The following PARD3 variants were observed in gnomAD, a reference collection of about 807,000 sequenced individuals.
PARD3 encodes partitioning defective 3 homolog.
Under a neutral mutation model 155.4 loss-of-function variants are expected in PARD3, and 75 were observed. The ratio of observed to expected loss-of-function variants is 0.48; its 90% CI spans 0.40 to 0.58. PARD3 has a LOEUF of 0.58. Ranked by LOEUF, PARD3 falls within the 20% of genes least tolerant of loss-of-function variation. The probability of loss-of-function intolerance (pLI) is 0.00; values close to 1 mark genes in which losing one functional copy is unlikely to be tolerated. For missense variants in PARD3, 1,642 were observed against 1,721.7 expected, an observed-to-expected ratio of 0.95 and a Z score of 0.82; for synonymous variants, 576 against 610.5, an observed-to-expected ratio of 0.94 and a Z score of 0.83.
chr10:34,555,974 G>A (rs566378906), intron 2 of PARD3, among the ~76,000 whole-genome samples: 21 of 152,336 alleles, frequency 1.4e-4, no homozygotes, highest in African/African-American at 5.1e-4. Flanking sequence ...AGGTAGGACA[G>A]AGAGAGAGAT....
intron 2 of PARD3, among the ~76,000 whole-genome samples, chr10:34,643,306 C>G (rs1316266068): frequency 6.6e-6 from 1 of 152,230 alleles, no homozygotes; most frequent in African/African-American, 2.4e-5. Flanking sequence ...CTCATTGCCT[C>G]AAGTTTACAG....
intron 20 of PARD3, among the ~76,000 whole-genome samples, chr10:34,305,739 G>A (rs915011619): frequency 9.9e-5 from 15 of 152,186 alleles, no homozygotes; most frequent in Admixed American, 8.5e-4. Context: ...AGTAGACTGG[G>A]AGGCCAGGCA....
chr10:34,780,259 G>A (rs576282005), intron 1 of PARD3, among the ~76,000 whole-genome samples: 3 of 152,314 alleles, frequency 2.0e-5, no homozygotes, highest in African/African-American at 4.8e-5. Flanking sequence ...TGACCTGAAT[G>A]CTCCTTACCA....
rs1325031613 is a variant in PARD3 at position 34,109,744 on chromosome 10, A to G, written c.*1425T>C. On this transcript the variant is annotated 3_prime_UTR_variant, in exon 25 of 25. Transcript: ENST00000374788. ...CAGAACCATGACACAGAAATGCAGA[A>G]GAGACACGGGTACGTGTGTGGACAC... 1 of 152,200 alleles carries G rather than the reference A, an allele frequency of 6.6e-6. No individual in the cohort carries two copies. Among genetic ancestry groups the G allele is most frequent in the Non-Finnish European group, 1.5e-5 (1 of 68,042 alleles). The allele number at this position is 152,200 out of a possible 1,614,324, so 9.4% of individuals were successfully genotyped here.
At chr10:34,262,043 G>GT (rs1046794091) in intron 22 of PARD3, among the ~76,000 whole-genome samples, 3 of 152,074 alleles carry the variant, frequency 2.0e-5, no homozygotes, top group Non-Finnish European at 4.4e-5. Context: ...GTTCCAAACT[G>GT]TTTTTTTATT....
chr10:34,445,936 C>T (rs1014116434), intron 5 of PARD3, among the ~76,000 whole-genome samples: 6 of 152,072 alleles, frequency 3.9e-5, no homozygotes, highest in Admixed American at 1.3e-4. Context: ...GAGCTCCCAC[C>T]GCAGCCCCAG....
chr10:34,223,510 A>T (rs1952425774), intron 22 of PARD3, among the ~76,000 whole-genome samples: 1 of 152,148 alleles, frequency 6.6e-6, no homozygotes, highest in Admixed American at 6.5e-5. Flanking sequence ...ATCTCAGGAG[A>T]CTGCTTAGCT....
intron 23 of PARD3, among the ~76,000 whole-genome samples, chr10:34,120,399 CT>C: frequency 6.6e-6 from 1 of 151,904 alleles, no homozygotes; most frequent in East Asian, 1.9e-4. Flanking sequence ...GAATGAGGCT[CT>C]TCCAAAAACT....
chr10:34,468,654 GAGACTA>G (rs1410164940), intron 4 of PARD3, among the ~76,000 whole-genome samples: 1 of 151,898 alleles, frequency 6.6e-6, no homozygotes, highest in Non-Finnish European at 1.5e-5. Flanking sequence ...AGTATTTCAG[GAGACTA>G]AGCCTAACAG....
chr10:34,664,328 A>G (rs1324639097), intron 2 of PARD3, among the ~76,000 whole-genome samples: 2 of 151,508 alleles, frequency 1.3e-5, no homozygotes, highest in East Asian at 3.9e-4. Context: ...TCAGCCTACC[A>G]AGTAGCTGGG....
At position 34,563,515 on chromosome 10, in the gene PARD3, C is replaced by T. The variant is rs970150832; in HGVS notation, c.223-46356G>A. ...CCAAGTAGCTGTGAATATAGGTGCA[C>T]GCCACCACGCCTGCTAATTTTTTTT... On this transcript the variant is annotated intron_variant, in intron 2 of 24. Coordinates refer to ENST00000374788, the MANE Select transcript of PARD3 (RefSeq NM_001184785.2). 4.8e-5 allele frequency among the ~76,000 whole-genome samples: 7 copies of T among 145,770 alleles called. No homozygotes were observed. The East Asian group carries it at 1.4e-3, about 30-fold the overall frequency.
At chr10:34,639,666 C>G (rs1156427033) in intron 2 of PARD3, among the ~76,000 whole-genome samples, 7 of 152,208 alleles carry the variant, frequency 4.6e-5, no homozygotes, top group Non-Finnish European at 1.0e-4. Flanking sequence ...AAGACCAGCC[C>G]GGGCAACAGA....
intron 22 of PARD3, among the ~76,000 whole-genome samples, chr10:34,135,658 G>A (rs1421374688): frequency 6.6e-6 from 1 of 152,172 alleles, no homozygotes; most frequent in East Asian, 1.9e-4. Flanking sequence ...AGCCTGCCCC[G>A]CACCTGTGCC....
intron 1 of PARD3, among the ~76,000 whole-genome samples, chr10:34,752,076 T>C (rs1020383211): frequency 5.3e-5 from 8 of 152,136 alleles, no homozygotes; most frequent in African/African-American, 1.9e-4. Flanking sequence ...CTAATGCTTT[T>C]CTCAGTACAT....
intron 22 of PARD3, among the ~76,000 whole-genome samples, chr10:34,204,306 G>A (rs1951360131): frequency 6.6e-6 from 1 of 152,176 alleles, no homozygotes; most frequent in African/African-American, 2.4e-5. Context: ...CTTACATAAA[G>A]GAAAGAGAGT....
chr10:34,321,904 T>A (rs913094637), intron 19 of PARD3, among the ~76,000 whole-genome samples: 2 of 152,136 alleles, frequency 1.3e-5, no homozygotes, highest in Non-Finnish European at 2.9e-5. Flanking sequence ...TATCTAAACT[T>A]TACAAACATT....
chr10:34,422,632 T>C lies in PARD3; in HGVS notation c.715-20715A>G, dbSNP rs548459683. Among the ~76,000 whole-genome samples, 5 of 151,530 alleles carry C rather than the reference T, an allele frequency of 3.3e-5. No homozygotes were observed. In the South Asian group the frequency reaches 8.3e-4, roughly 25 times the overall value. ...TTTAAAAATGGGCAAATAATCTGAATAGACATTTCTCAAAAGAAGACATAC... is the reference window on the plus strand; with the variant it reads ...TTTAAAAATGGGCAAATAATCTGAACAGACATTTCTCAAAAGAAGACATAC... On this transcript the variant is annotated intron_variant, in intron 5 of 24. Coordinates refer to ENST00000374788, the MANE Select transcript of PARD3 (RefSeq NM_001184785.2).
intron 2 of PARD3, among the ~76,000 whole-genome samples, chr10:34,670,389 G>T (rs921301624): frequency 6.6e-6 from 1 of 152,248 alleles, no homozygotes; most frequent in Admixed American, 6.5e-5. Flanking sequence ...TGAGCACAGG[G>T]CATATGCTCA....
intron 2 of PARD3, among the ~76,000 whole-genome samples, chr10:34,613,949 TA>T (rs768089807): frequency 3.9e-5 from 6 of 152,200 alleles, no homozygotes; most frequent in Non-Finnish European, 7.3e-5. Flanking sequence ...ATTCAAGATA[TA>T]AAACTATAGC....
Sources: allele counts gnomAD v4.1 joint callset (sites outside exome capture counted in the v4.1 genomes callset), GRCh38; gene constraint gnomAD v4.1.1; transcripts MANE v1.5; gene names NCBI Gene and HGNC (gene_info 2026-07-23, HGNC 2026-07-21).